The following KSR2 variants were observed in gnomAD, a reference collection of about 807,000 sequenced individuals.
KSR2 encodes the protein kinase suppressor of ras 2.
KSR2 carries 25 observed loss-of-function variants against 107.8 expected under a neutral mutation model. The ratio of observed to expected loss-of-function variants is 0.23; its 90% CI spans 0.17 to 0.32. The LOEUF (loss-of-function observed/expected upper bound fraction) is 0.32. Ranked by LOEUF, KSR2 falls within the 10% of genes least tolerant of loss-of-function variation. The probability of loss-of-function intolerance (pLI) is 1.00; values close to 1 mark genes in which losing one functional copy is unlikely to be tolerated. For synonymous variants in KSR2, 480 were observed against 507.0 expected (o/e 0.95, Z 0.71); for missense variants, 887 against 1,268.9 (o/e 0.70, Z 4.57).
At chr12:117,590,834 T>G (rs1328966943) in intron 5 of KSR2, among the ~76,000 whole-genome samples, 2 of 152,184 alleles carry the variant, frequency 1.3e-5, no homozygotes, top group East Asian at 3.8e-4. Flanking sequence ...AGAAAAAGTG[T>G]GCCAAGTCCT....
At chr12:117,653,295 A>G (rs80181298) in intron 5 of KSR2, among the ~76,000 whole-genome samples, 6,092 of 152,354 alleles carry the variant, frequency 0.04, 273 homozygotes, top group East Asian at 0.24. Flanking sequence ...GCTACCTGGT[A>G]TGCAGCCATT....
intron 1 of KSR2, among the ~76,000 whole-genome samples, chr12:117,963,297 A>T (rs1896709738): frequency 6.6e-6 from 1 of 152,174 alleles, no homozygotes; most frequent in East Asian, 1.9e-4. Context: ...GGGTCCACAA[A>T]GCCTAAACTC....
At chr12:117,476,320 G>C in intron 17 of KSR2, 144 bp downstream of exon 17, 5 of 914,044 alleles carry the variant, frequency 5.5e-6, no homozygotes, top group Middle Eastern at 2.4e-4. Flanking sequence ...ACCCTACTCA[G>C]GTTCCTCCAT....
At chr12:117,605,017 CA>C (rs1424011424) in intron 5 of KSR2, among the ~76,000 whole-genome samples, 1 of 152,112 alleles carries the variant, frequency 6.6e-6, no homozygotes, top group African/African-American at 2.4e-5. Flanking sequence ...CTGAGCCAAG[CA>C]AAAAATATTT....
At chr12:117,718,905 G>A (rs1262482884) in intron 4 of KSR2, among the ~76,000 whole-genome samples, 1 of 152,174 alleles carries the variant, frequency 6.6e-6, no homozygotes, top group African/African-American at 2.4e-5. Flanking sequence ...CTAAGGTGAT[G>A]ATTTAGAGTC....
intron 5 of KSR2, among the ~76,000 whole-genome samples, chr12:117,606,370 TCCC>T (rs1593043542): frequency 1.3e-5 from 1 of 78,946 alleles, no homozygotes; most frequent in East Asian, 4.6e-4. Flanking sequence ...CCCTCCTTCC[TCCC>T]TCCCTCCCCT....
intron 1 of KSR2, among the ~76,000 whole-genome samples, chr12:117,877,214 G>A (rs1893882346): frequency 6.6e-6 from 1 of 152,090 alleles, no homozygotes; most frequent in Non-Finnish European, 1.5e-5. Context: ...GTGGGCGCCT[G>A]TAATCCCAGC....
chr12:117,752,195 A>C (rs1217853998), intron 4 of KSR2, among the ~76,000 whole-genome samples: 1 of 152,242 alleles, frequency 6.6e-6, no homozygotes, highest in Non-Finnish European at 1.5e-5. Context: ...AAGGTATAAT[A>C]AACACGGCTC....
At chr12:117,727,861 A>G (rs1887498694) in intron 4 of KSR2, among the ~76,000 whole-genome samples, 1 of 152,260 alleles carries the variant, frequency 6.6e-6, no homozygotes, top group East Asian at 1.9e-4. Context: ...ACAAGAAAAT[A>G]TTAGTAATAT....
chr12:117,875,965 T>C (rs1893834732), intron 1 of KSR2, among the ~76,000 whole-genome samples: 2 of 152,178 alleles, frequency 1.3e-5, no homozygotes, highest in Admixed American at 6.5e-5. Context: ...CGGTGCTCAA[T>C]ACATTTTTCT....
At chr12:117,586,662 A>AAGAAAGAAAAG (rs1880019885) in intron 5 of KSR2, among the ~76,000 whole-genome samples, 2 of 152,050 alleles carry the variant, frequency 1.3e-5, no homozygotes, top group African/African-American at 4.8e-5. Flanking sequence ...AGAAAGAAAA[A>AAGAAAGAAAAG]TATAGTAAAT....
chr12:117,893,357 A>G (rs1444407070), intron 1 of KSR2, among the ~76,000 whole-genome samples: 1 of 152,124 alleles, frequency 6.6e-6, no homozygotes, highest in Admixed American at 6.5e-5. Context: ...AAAAAAAGTG[A>G]CCAAGTCTCC....
chr12:117,893,387 G>C (rs981706463), intron 1 of KSR2, among the ~76,000 whole-genome samples: 1 of 152,162 alleles, frequency 6.6e-6, no homozygotes, highest in African/African-American at 2.4e-5. Context: ...GTGAGGCTCA[G>C]TTTTCTCATC....
At chr12:117,578,601 CAAA>C (rs66919524) in intron 7 of KSR2, among the ~76,000 whole-genome samples, 2 of 103,976 alleles carry the variant, frequency 1.9e-5, no homozygotes, top group African/African-American at 3.0e-5. Context: ...GACTCCATCT[CAAA>C]AAAAAAAAAA....
chr12:117,526,203 G>A (rs946686336), intron 13 of KSR2, among the ~76,000 whole-genome samples: 8 of 152,176 alleles, frequency 5.3e-5, no homozygotes, highest in Non-Finnish European at 7.3e-5. Flanking sequence ...GCACACACAC[G>A]ACTCAGGCGT....
chr12:117,832,074 C>G (rs1891992575), intron 3 of KSR2, among the ~76,000 whole-genome samples: 1 of 152,142 alleles, frequency 6.6e-6, no homozygotes, highest in South Asian at 2.1e-4. Context: ...TACCTGAGGT[C>G]AGGAGTTTGA....
chr12:117,689,174 A>G (rs1885715356), intron 4 of KSR2, among the ~76,000 whole-genome samples: 1 of 152,196 alleles, frequency 6.6e-6, no homozygotes. Flanking sequence ...CTCTTTGTAG[A>G]AATACGATCA....
intron 5 of KSR2, among the ~76,000 whole-genome samples, chr12:117,604,762 C>G (rs1004408976): frequency 6.6e-6 from 1 of 152,128 alleles, no homozygotes; most frequent in South Asian, 2.1e-4. Flanking sequence ...TGGTATGTGG[C>G]ATTTTGCCTC....
intron 3 of KSR2, among the ~76,000 whole-genome samples, chr12:117,787,029 C>CAAAAAA (rs35140043): frequency 6.8e-6 from 1 of 146,130 alleles, no homozygotes; most frequent in Non-Finnish European, 1.5e-5. Context: ...AACTCCATCT[C>CAAAAAA]AAAAAAAAAA....
Sources: gnomAD v4.1 joint callset for allele counts (sites outside exome capture counted in the v4.1 genomes callset) on GRCh38, gnomAD v4.1.1 for gene constraint, MANE v1.5 for transcripts, NCBI Gene and HGNC (gene_info 2026-07-23, HGNC 2026-07-21) for gene names.